Variants in CYP4F11 observed in about 807,000 individuals in gnomAD.
The protein encoded by CYP4F11 is cytochrome P450 4F11.
CYP4F11 carries 79 observed loss-of-function variants against 62.2 expected under a neutral mutation model. The ratio of observed to expected loss-of-function variants is 1.27; its 90% CI spans 1.06 to 1.53. CYP4F11 has a LOEUF of 1.53. CYP4F11 is among the 40% of genes most tolerant of loss of function. The pLI is 0.00. For missense variants in CYP4F11, 777 were observed against 680.5 expected, an observed-to-expected ratio of 1.14 and a Z score of -1.58; for synonymous variants, 290 against 263.7, an observed-to-expected ratio of 1.10 and a Z score of -0.97.
chr19:15,927,641 GGAA>G, intron 2 of CYP4F11, 158 bp from the exon 3 acceptor site: 1 of 956,134 alleles, frequency 1.0e-6, no homozygotes, highest in South Asian at 1.6e-5. Context: ...GGATGGTGGA[GGAA>G]GGAGAGACCA....
At chr19:15,931,321 T>TG (rs2089714058) in intron 1 of CYP4F11, among the ~76,000 whole-genome samples, 1 of 150,758 alleles carries the variant, frequency 6.6e-6, no homozygotes, top group Non-Finnish European at 1.5e-5. Context: ...AGGCAGGGAG[T>TG]AGTCCCTGGA....
intron 1 of CYP4F11, among the ~76,000 whole-genome samples, chr19:15,934,001 T>TGAGTGAGA (rs1568258943): frequency 2.4e-5 from 1 of 40,818 alleles, no homozygotes; most frequent in African/African-American, 1.1e-4. Context: ...AATGAGTGAG[T>TGAGTGAGA]GGGCAGAGGA....
chr19:15,913,996 C>G lies in CYP4F11; in HGVS notation c.1398-87G>C, dbSNP rs906856723. 3.4e-6 allele frequency: 5 copies of G among 1,480,110 alleles called. No homozygotes were observed. In the East Asian group the frequency reaches 7.2e-5, roughly 21 times the overall value. 91.7% of individuals were successfully genotyped at this position (1,480,110 alleles called of 1,614,324 possible). A position where few individuals can be genotyped will look rare whatever the true frequency, so the allele number is the denominator to read the frequency against. ...TTAGAACCTGGCCTGGGACCCCAAA[C>G]GCACCCACATAGGCTTGAGGGGCAG... On this transcript the variant is annotated intron_variant, in intron 11 of 11. Coordinates refer to ENST00000402119, the MANE Select transcript of CYP4F11 (RefSeq NM_021187.4).
At chr19:15,930,583 C>T (rs576854962) in intron 1 of CYP4F11, among the ~76,000 whole-genome samples, 19 of 152,118 alleles carry the variant, frequency 1.2e-4, no homozygotes, top group Admixed American at 3.3e-4. Flanking sequence ...CAGAGTGAGA[C>T]TCTGTCTCAA....
chr19:15,921,639 A>G (rs904253034), intron 8 of CYP4F11, among the ~76,000 whole-genome samples: 3 of 152,236 alleles, frequency 2.0e-5, no homozygotes, highest in Admixed American at 2.0e-4. Flanking sequence ...GGAATGAATG[A>G]CTTTTACCCT....
chr19:15,914,165 C>T (rs1303601286), intron 11 of CYP4F11, 140 bp downstream of exon 11: 70 of 1,199,710 alleles, frequency 5.8e-5, no homozygotes, highest in Non-Finnish European at 1.3e-5. Context: ...CCTTCCCAAA[C>T]CCATTCTGTG....
At chr19:15,931,529 G>GGAATGAGTGAGTGAGGAGAA (rs1568257204) in intron 1 of CYP4F11, among the ~76,000 whole-genome samples, 3 of 104,810 alleles carry the variant, frequency 2.9e-5, no homozygotes, top group Admixed American at 9.2e-5. Flanking sequence ...GCACATCAGA[G>GGAATGAGTGAGTGAGGAGAA]GAATGAGTGA....
chr19:15,914,745 C>G lies in CYP4F11; in HGVS notation c.1249+17G>C, dbSNP rs764623660. 6.8e-6 allele frequency: 11 copies of G among 1,613,938 alleles called. No individual in the cohort carries two copies. The highest frequency in any genetic ancestry group is 9.3e-6 in the Non-Finnish European group (11 of 1,179,914). ...TCTTGCTACCCAGGAGGCTCCTCCC[C>G]CTGAGGCTGTGAGCACCTTTGGGGA... On this transcript the variant is annotated intron_variant, in intron 9 of 11. Transcript: ENST00000402119.
chr19:15,913,612 C>A lies in CYP4F11; in HGVS notation c.*120G>T. The A allele has an allele frequency of 7.5e-7, 1 of 1,333,502 alleles. No individual in the cohort carries two copies. Among genetic ancestry groups the A allele is most frequent in the South Asian group, 1.3e-5 (1 of 75,142 alleles). The allele number at this position is 1,333,502 out of a possible 1,614,324, so 82.6% of individuals were successfully genotyped here. ...ACCCTGCCTCCACCCACTCACCTCC[C>A]TTTCTTAGATCCCACCAGTCCCCAG... On this transcript the variant is annotated 3_prime_UTR_variant, in exon 12 of 12. Coordinates refer to ENST00000402119, the MANE Select transcript of CYP4F11 (RefSeq NM_021187.4).
upstream of CYP4F11, chr19:15,934,559 A>T: frequency 3.3e-6 from 3 of 922,602 alleles, no homozygotes; most frequent in Non-Finnish European, 4.6e-6. Flanking sequence ...TGAGATCTAA[A>T]GTCCAGAAAT....
intron 8 of CYP4F11, among the ~76,000 whole-genome samples, chr19:15,917,539 T>C (rs985469641): frequency 1.5e-4 from 23 of 152,124 alleles, no homozygotes; most frequent in African/African-American, 5.3e-4. Context: ...GATATGTGAA[T>C]AAGTGAAAAC....
chr19:15,919,413 C>CGGAT (rs56657452), intron 8 of CYP4F11, among the ~76,000 whole-genome samples: 48,435 of 144,400 alleles, frequency 0.34, 8,571 homozygotes, highest in Non-Finnish European at 0.38. Context: ...GATGGATGGA[C>CGGAT]GGATGGATGG....
chr19:15,913,787 C>T lies in CYP4F11; in HGVS notation c.1520G>A (p.Arg507His), dbSNP rs1356365095. Reference protein sequence around the residue: ...EPRRKPELILRAEGGLWLRVE... With the variant: ...EPRRKPELILHAEGGLWLRVE... ...CCGCAGCCAAAGTCCACCCTCTGCG[C>T]GCAATATCAGCTCGGGTTTCCTGCG... is the stretch of plus-strand genomic sequence containing the variant. The change falls in exon 12 of 12, where the codon CGC (arginine) becomes CAC (histidine). Residue 507 changes from arginine (R) to histidine (H), a missense_variant. Transcript: ENST00000402119. 19 of 1,614,226 alleles carry T rather than the reference C, an allele frequency of 1.2e-5. No individual in the cohort carries two copies. The highest frequency in any genetic ancestry group is 1.5e-5 in the Non-Finnish European group (18 of 1,180,040).
rs202181290 is a variant in CYP4F11 at position 15,912,745 on chromosome 19, ATGTGTGTGTGTGTG to A, written c.*973_*986del. 11 of 85,956 alleles carry A rather than the reference ATGTGTGTGTGTGTG, an allele frequency of 1.3e-4. No individual in the cohort carries two copies. The highest frequency in any genetic ancestry group is 3.7e-4 in the African/African-American group (6 of 16,156). 5.3% of individuals were successfully genotyped at this position (85,956 alleles called of 1,614,324 possible). A position where few individuals can be genotyped will look rare whatever the true frequency, so the allele number is the denominator to read the frequency against. On this transcript the variant is annotated 3_prime_UTR_variant, in exon 12 of 12. Transcript: ENST00000402119. ...TGTGTGTGTGTGTGTATATGTATAT[ATGTGTGTGTGTGTG>A]TGTGTGTGTGTGTATATATATATAT...
rs2089554222 is a variant in CYP4F11, at chr19:15,913,534, G to A, written c.*198C>T. On this transcript the variant is annotated 3_prime_UTR_variant, in exon 12 of 12. Transcript: ENST00000402119. ...TCTGGGAGAACCCACTAAGGGCCTA[G>A]ATGCCCTGTGCTCAGCCAGAGAGGC... The A allele has an allele frequency of 1.5e-6, 1 of 645,884 alleles. No individual in the cohort carries two copies. Among genetic ancestry groups the A allele is most frequent in the Non-Finnish European group, 2.6e-6 (1 of 380,158 alleles). 40.0% of individuals were successfully genotyped at this position (645,884 alleles called of 1,614,324 possible). A position where few individuals can be genotyped will look rare whatever the true frequency, so the allele number is the denominator to read the frequency against.
chr19:15,934,499 G>A lies in CYP4F11; in HGVS notation c.-91C>T. ...GGACAGTGGAAAGGGGCAAGGATGGGCAGTGCTGGAGGCAGATCAGGGAAG... is the reference window on the plus strand; with the variant it reads ...GGACAGTGGAAAGGGGCAAGGATGGACAGTGCTGGAGGCAGATCAGGGAAG... On this transcript the variant is annotated 5_prime_UTR_variant, in exon 1 of 12. Transcript: ENST00000402119. 6 of 1,464,914 alleles carry A rather than the reference G, an allele frequency of 4.1e-6. No individual in the cohort carries two copies. Among genetic ancestry groups the A allele is most frequent in the Non-Finnish European group, 4.6e-6 (5 of 1,089,524 alleles). 90.7% of individuals were successfully genotyped at this position (1,464,914 alleles called of 1,614,324 possible). A position where few individuals can be genotyped will look rare whatever the true frequency, so the allele number is the denominator to read the frequency against.
intron 5 of CYP4F11, 65 bp downstream of exon 5, chr19:15,924,696 A>C: frequency 6.3e-7 from 1 of 1,577,694 alleles, no homozygotes; most frequent in African/African-American, 1.4e-5. Flanking sequence ...CCGGTCAGCC[A>C]TCCTTTTCCA....
At chr19:15,928,512 C>T (rs1040385015) in intron 2 of CYP4F11, among the ~76,000 whole-genome samples, 5 of 152,162 alleles carry the variant, frequency 3.3e-5, no homozygotes, top group African/African-American at 1.2e-4. Context: ...CACCTGGATC[C>T]AACCATGCCT....
intron 8 of CYP4F11, among the ~76,000 whole-genome samples, chr19:15,915,774 C>A (rs76608947): frequency 0.015 from 2,336 of 151,972 alleles, 40 homozygotes; most frequent in Non-Finnish European, 0.023. Flanking sequence ...TCTTCTAGAG[C>A]TTTTAACAGC....
Sources: gnomAD v4.1 joint callset for allele counts (sites outside exome capture counted in the v4.1 genomes callset) on GRCh38, gnomAD v4.1.1 for gene constraint, MANE v1.5 for transcripts, NCBI Gene and HGNC (gene_info 2026-07-23, HGNC 2026-07-21) for gene names.